PCDHGB3: variants seen among roughly 807,000 people sequenced by gnomAD.
The protein encoded by PCDHGB3 is protocadherin gamma-B3.
PCDHGB3 carries 40 observed loss-of-function variants against 59.2 expected under a neutral mutation model. The observed-to-expected ratio is 0.68, with a 90% confidence interval of 0.52 to 0.88. The LOEUF is 0.88. PCDHGB3 is among the 40% of genes least tolerant of loss of function. The pLI is 0.00. For missense variants in PCDHGB3, 1,309 were observed against 1,187.9 expected, an observed-to-expected ratio of 1.10 and a Z score of -1.50; for synonymous variants, 581 against 503.6, an observed-to-expected ratio of 1.15 and a Z score of -2.06.
At chr5:141,500,959 C>T (rs2099804326) in intron 2 of PCDHGB3, among the ~76,000 whole-genome samples, 1 of 152,022 alleles carries the variant, frequency 6.6e-6, no homozygotes, top group South Asian at 2.1e-4. Flanking sequence ...AGCTCCACCT[C>T]CTGGGTTCAA....
chr5:141,422,678 A>G, intron 1 of PCDHGB3: 1 of 1,606,250 alleles, frequency 6.2e-7, no homozygotes, highest in Non-Finnish European at 8.5e-7. Flanking sequence ...GACAGCAAAC[A>G]GAATGCCCTG....
At position 141,372,088 on chromosome 5, in the gene PCDHGB3, C is replaced by T. The variant is rs1768398605; in HGVS notation, c.1694C>T (p.Pro565Leu). 2.5e-6 allele frequency: 4 copies of T among 1,613,762 alleles called. No individual in the cohort carries two copies. The highest frequency in any genetic ancestry group is 1.7e-4 in the Middle Eastern group (1 of 6,028). ...RNDNAPLVLY[P>L]ALGPEGSALF... ...GACAATGCACCGCTGGTGCTGTACCCAGCTCTGGGGCCCGAAGGCTCTGCG... is the reference window on the plus strand; with the variant it reads ...GACAATGCACCGCTGGTGCTGTACCTAGCTCTGGGGCCCGAAGGCTCTGCG... Residue 565 changes from proline (P) to leucine (L), a missense_variant, in exon 1 of 4, where the codon CCA becomes CTA. Physicochemically the swap from Pro to Leu is moderately conservative, Grantham distance 98 (BLOSUM62 -3). Transcript: ENST00000576222.
intron 1 of PCDHGB3, among the ~76,000 whole-genome samples, chr5:141,387,115 T>C (rs2090824355): frequency 6.6e-6 from 1 of 152,224 alleles, no homozygotes. Context: ...AATATTCCTG[T>C]AATGAAATCA....
chr5:141,384,586 C>T lies in PCDHGB3; in HGVS notation c.2415+11777C>T, dbSNP rs747814318. ...CCAGAATGACAACCCGCCCGAGATC[C>T]TGTACCCGGCCCTCCCCACAGATGG... On this transcript the variant is annotated intron_variant, in intron 1 of 3. Transcript: ENST00000576222. The T allele has an allele frequency of 2.5e-6, 4 of 1,614,274 alleles. No homozygotes were observed. In the South Asian group the frequency reaches 4.4e-5, roughly 18 times the overall value.
In PCDHGB3 at chr5:141,491,177, T is replaced by G; in HGVS notation, c.2416-3630T>G. The G allele has an allele frequency of 6.2e-7, 1 of 1,614,158 alleles. No homozygotes were observed. Among genetic ancestry groups the G allele is most frequent in the Non-Finnish European group, 8.5e-7 (1 of 1,180,010 alleles). Reference sequence around the variant, plus strand: ...GACTCTGACACCCAGCAGGTGGTGGTCCTGGTGAGGGACAATGGTGACCCT... The same window carrying G: ...GACTCTGACACCCAGCAGGTGGTGGGCCTGGTGAGGGACAATGGTGACCCT... On this transcript the variant is annotated intron_variant, in intron 1 of 3. Transcript: ENST00000576222. This position sits in a 1 kb window ranked among gnomAD's most constrained non-coding sequence, Gnocchi z 6.9.
Position 141,432,098 on chromosome 5 carries a change from G to A in PCDHGB3, c.2415+59289G>A. 1.2e-6 allele frequency: 2 copies of A among 1,614,056 alleles called. No homozygotes were observed. Among genetic ancestry groups the A allele is most frequent in the Non-Finnish European group, 1.7e-6 (2 of 1,180,002 alleles). ...CTCGCTGAACGTGGCAGACACCAAC[G>A]ACAACCCGCCGGTCTTCCCTCAGGC... On this transcript the variant is annotated intron_variant, in intron 1 of 3. Transcript: ENST00000576222. The surrounding 1 kb of genome is among the most constrained non-coding windows in gnomAD (Gnocchi z 6.0).
intron 3 of PCDHGB3, among the ~76,000 whole-genome samples, chr5:141,506,146 T>C (rs1014881418): frequency 6.6e-6 from 1 of 152,086 alleles, no homozygotes; most frequent in African/African-American, 2.4e-5. Context: ...AAGAATATCA[T>C]TTGTCCTTAA....
chr5:141,382,729 A>G, intron 1 of PCDHGB3: 1 of 548,650 alleles, frequency 1.8e-6, no homozygotes, highest in Non-Finnish European at 3.1e-6. Flanking sequence ...GTTTTACAGC[A>G]CAGAGAAACG....
intron 1 of PCDHGB3, chr5:141,389,992 T>A: frequency 6.2e-7 from 1 of 1,614,010 alleles, no homozygotes. Context: ...CTCTTCCTCG[T>A]GGCCATGATT....
intron 1 of PCDHGB3, chr5:141,441,910 G>A: frequency 2.9e-6 from 1 of 349,440 alleles, no homozygotes; most frequent in Non-Finnish European, 5.5e-6. Flanking sequence ...AGACGCAGAT[G>A]TGAGACACAA....
chr5:141,408,013 CCA>C, intron 1 of PCDHGB3: 1 of 989,288 alleles, frequency 1.0e-6, no homozygotes, highest in Non-Finnish European at 1.4e-6. Flanking sequence ...CCCTGCGCAG[CCA>C]ACAACAGAAA....
In PCDHGB3 at chr5:141,431,450, A is replaced by G; in HGVS notation, c.2415+58641A>G. 2 of 1,613,740 alleles carry G rather than the reference A, an allele frequency of 1.2e-6. No individual in the cohort carries two copies. Among genetic ancestry groups the G allele is most frequent in the South Asian group, 1.1e-5 (1 of 91,082 alleles). Reference sequence around the variant, plus strand: ...CACAGGCACCGCGCGCATCCGCGTGATGGTTCTGGATGCGAACGACAACGC... The same window carrying G: ...CACAGGCACCGCGCGCATCCGCGTGGTGGTTCTGGATGCGAACGACAACGC... On this transcript the variant is annotated intron_variant, in intron 1 of 3. Coordinates refer to ENST00000576222, the MANE Select transcript of PCDHGB3 (RefSeq NM_018924.5). The surrounding 1 kb of genome is among the most constrained non-coding windows in gnomAD (Gnocchi z 4.8).
intron 1 of PCDHGB3, among the ~76,000 whole-genome samples, chr5:141,454,796 ATTTTTTTTTTT>A (rs61612330): frequency 0.01 from 775 of 77,498 alleles, 10 homozygotes; most frequent in African/African-American, 0.043. Context: ...CATGGTTCTA[ATTTTTTTTTTT>A]TTTTTTTTTT....
intron 2 of PCDHGB3, among the ~76,000 whole-genome samples, chr5:141,504,179 A>C (rs1247627456): frequency 6.6e-6 from 1 of 152,240 alleles, no homozygotes; most frequent in Non-Finnish European, 1.5e-5. Context: ...AATTCAAAAA[A>C]ATCATGAAAA....
At chr5:141,421,720 G>A (rs372813759) in intron 1 of PCDHGB3, 4 of 1,613,788 alleles carry the variant, frequency 2.5e-6, no homozygotes, top group Non-Finnish European at 3.4e-6. Context: ...AGATGTGGGC[G>A]TGAACTCCCT....
rs539348000 is a variant in PCDHGB3 at position 141,504,908 on chromosome 5, G to A, written c.2475-485G>A. 5.9e-5 allele frequency among the ~76,000 whole-genome samples: 9 copies of A among 152,208 alleles called. No homozygotes were observed. In the East Asian group the frequency reaches 1.7e-3, roughly 29 times the overall value. On this transcript the variant is annotated intron_variant, in intron 2 of 3. Coordinates refer to ENST00000576222, the MANE Select transcript of PCDHGB3 (RefSeq NM_018924.5). Reference sequence around the variant, plus strand: ...AGGTCTGATCTCCCTCACTATGACAGGAAGCCAGGCTCTCTCATGGTGGGT... The same window carrying A: ...AGGTCTGATCTCCCTCACTATGACAAGAAGCCAGGCTCTCTCATGGTGGGT...
chr5:141,403,401 C>T (rs746777998), intron 1 of PCDHGB3: 1 of 1,614,052 alleles, frequency 6.2e-7, no homozygotes, highest in South Asian at 1.1e-5. Context: ...GTTCCTGGAG[C>T]ACGTTATCCA....
chr5:141,387,782 A>G lies in PCDHGB3; in HGVS notation c.2415+14973A>G, dbSNP rs145228594. 6.9e-3 allele frequency: 10,094 copies of G among 1,466,254 alleles called. 59 individuals are homozygous for G. The highest frequency in any genetic ancestry group is 8.3e-3 in the Non-Finnish European group (9,103 of 1,100,820). 90.8% of individuals were successfully genotyped at this position (1,466,254 alleles called of 1,614,324 possible). On this transcript the variant is annotated intron_variant, in intron 1 of 3. Transcript: ENST00000576222. ...AAGAAGAATTTTTTCTTGAACTGGA[A>G]CTGCAACTAAAGTCCGTTCGGAGAT... is the stretch of plus-strand genomic sequence containing the variant.
At chr5:141,385,281 C>T (rs761366864) in intron 1 of PCDHGB3, 6 of 1,613,348 alleles carry the variant, frequency 3.7e-6, no homozygotes, top group East Asian at 2.2e-5. Flanking sequence ...TGCTAACATC[C>T]GTAGATTTTC....
Sources: gnomAD v4.1 joint callset for allele counts (sites outside exome capture counted in the v4.1 genomes callset) on GRCh38, gnomAD v4.1.1 for gene constraint, Gnocchi (gnomAD v3.1) non-coding constraint, MANE v1.5 for transcripts, NCBI Gene and HGNC (gene_info 2026-07-23, HGNC 2026-07-21) for gene names.